Variants in MKLN1 observed in about 807,000 individuals in gnomAD.
MKLN1 encodes muskelin.
Under a neutral mutation model 99.0 loss-of-function variants are expected in MKLN1, and 18 were observed. The observed-to-expected ratio is 0.18, with a 90% CI of 0.13 to 0.27. MKLN1 has a LOEUF of 0.27. MKLN1 is among the 10% of genes least tolerant of loss of function. The pLI is 1.00. For missense variants in MKLN1, 621 were observed against 875.9 expected (o/e 0.71, Z 3.67); for synonymous variants, 288 against 293.2 (o/e 0.98, Z 0.18).
intron 2 of MKLN1, among the ~76,000 whole-genome samples, chr7:131,381,688 TCA>T (rs1028189474): frequency 2.8e-4 from 42 of 152,296 alleles, no homozygotes; most frequent in African/African-American, 9.1e-4. Flanking sequence ...GTGCATACAC[TCA>T]CACAGACACA....
At chr7:131,305,414 G>C (rs1798439263) in intron 3 of MKLN1, among the ~76,000 whole-genome samples, 1 of 152,150 alleles carries the variant, frequency 6.6e-6, no homozygotes, top group Non-Finnish European at 1.5e-5. Context: ...CAACTTATTT[G>C]GGAAGAAATG....
At chr7:131,306,153 G>A (rs960361531) in intron 3 of MKLN1, among the ~76,000 whole-genome samples, 4 of 152,092 alleles carry the variant, frequency 2.6e-5, no homozygotes, top group East Asian at 1.9e-4. Context: ...CCATGATTAC[G>A]TTTCCTGAGG....
intron 2 of MKLN1, among the ~76,000 whole-genome samples, chr7:131,378,059 T>G (rs1329815809): frequency 6.6e-6 from 1 of 152,156 alleles, no homozygotes; most frequent in Non-Finnish European, 1.5e-5. Context: ...GTTTACTTAG[T>G]TGTATGAGAG....
chr7:131,383,930 A>G (rs1289075877), intron 2 of MKLN1, among the ~76,000 whole-genome samples: 4 of 152,180 alleles, frequency 2.6e-5, no homozygotes, highest in Non-Finnish European at 2.9e-5. Context: ...GCTCTCTGTA[A>G]TGCACATTGT....
At chr7:131,438,597 A>G (rs1240780195) in intron 10 of MKLN1, among the ~76,000 whole-genome samples, 1 of 151,626 alleles carries the variant, frequency 6.6e-6, no homozygotes, top group Admixed American at 6.6e-5. Flanking sequence ...TAGCCCCATC[A>G]TTGTCATTAT....
chr7:131,414,149 ATAAT>A (rs772185432), intron 7 of MKLN1, among the ~76,000 whole-genome samples: 1 of 152,218 alleles, frequency 6.6e-6, no homozygotes, highest in African/African-American at 2.4e-5. Flanking sequence ...ATTTTACAAA[ATAAT>A]TGTATACATT....
chr7:131,403,708 G>A lies in MKLN1; in HGVS notation c.703+4275G>A, dbSNP rs114830210. Among the ~76,000 whole-genome samples the A allele has an allele frequency of 7.7e-3, 1,169 of 152,256 alleles. 18 individuals are homozygous for A. The highest frequency in any genetic ancestry group is 0.027 in the African/African-American group (1,105 of 41,562). On this transcript the variant is annotated intron_variant, in intron 6 of 17. Coordinates refer to ENST00000352689, the MANE Select transcript of MKLN1 (RefSeq NM_013255.5). Reference sequence around the variant, plus strand: ...GGGAATAGGGAGGCCCAAAGAGAGGGAGAGAAATGGGGGAACTGCTGGTTT... The same window carrying A: ...GGGAATAGGGAGGCCCAAAGAGAGGAAGAGAAATGGGGGAACTGCTGGTTT...
At chr7:131,394,331 G>A (rs971696291) in intron 4 of MKLN1, among the ~76,000 whole-genome samples, 1 of 152,000 alleles carries the variant, frequency 6.6e-6, no homozygotes, top group African/African-American at 2.4e-5. Flanking sequence ...CAGTTTTGTG[G>A]AAGACAGTTT....
At chr7:131,192,078 C>CAT (rs1554534633) in intron 2 of MKLN1, among the ~76,000 whole-genome samples, 5 of 84,092 alleles carry the variant, frequency 5.9e-5, no homozygotes, top group African/African-American at 2.7e-4. Flanking sequence ...TATATATATA[C>CAT]ATATATATTA....
intron 6 of MKLN1, among the ~76,000 whole-genome samples, chr7:131,400,508 A>AT (rs1794501092): frequency 8.4e-6 from 1 of 119,166 alleles, no homozygotes; most frequent in African/African-American, 4.2e-5. Context: ...AATGCTACCA[A>AT]TAAAAAAAAA....
chr7:131,221,057 C>G (rs1797052712), intron 3 of MKLN1, among the ~76,000 whole-genome samples: 1 of 152,160 alleles, frequency 6.6e-6, no homozygotes, highest in African/African-American at 2.4e-5. Context: ...ATCCATCTGC[C>G]TCATATCAGT....
At chr7:131,401,817 A>T (rs1423287354) in intron 6 of MKLN1, among the ~76,000 whole-genome samples, 5 of 151,788 alleles carry the variant, frequency 3.3e-5, no homozygotes, top group Admixed American at 6.6e-5. Context: ...TTATTTCTTT[A>T]AAAAAAATGC....
chr7:131,136,811 AT>A (rs1795655846), intron 1 of MKLN1, among the ~76,000 whole-genome samples: 1 of 152,138 alleles, frequency 6.6e-6, no homozygotes, highest in East Asian at 1.9e-4. Context: ...TCGTCCTGGC[AT>A]GCTTAGCTCT....
chr7:131,133,323 A>T (rs1425167588), intron 1 of MKLN1, among the ~76,000 whole-genome samples: 7 of 106,702 alleles, frequency 6.6e-5, no homozygotes, highest in Non-Finnish European at 1.1e-4. Flanking sequence ...TTTTTATTTT[A>T]ATTTTAATTT....
At chr7:131,449,798 G>A (rs939104671) in intron 12 of MKLN1, among the ~76,000 whole-genome samples, 3 of 152,002 alleles carry the variant, frequency 2.0e-5, no homozygotes, top group Admixed American at 2.0e-4. Flanking sequence ...CACTGTTCTA[G>A]CTCTCCGGAG....
At chr7:131,407,904 A>T (rs1794756189) in intron 6 of MKLN1, among the ~76,000 whole-genome samples, 1 of 151,980 alleles carries the variant, frequency 6.6e-6, no homozygotes, top group Non-Finnish European at 1.5e-5. Flanking sequence ...CATTTTGTTC[A>T]TAAAAGATTG....
intron 3 of MKLN1, among the ~76,000 whole-genome samples, chr7:131,208,465 C>T (rs538685356): frequency 1.8e-4 from 28 of 152,120 alleles, no homozygotes; most frequent in African/African-American, 6.5e-4. Context: ...TGTGGTGGTG[C>T]GTGCCTGTGG....
chr7:131,462,586 A>G (rs1391714318), intron 12 of MKLN1, among the ~76,000 whole-genome samples: 2 of 152,092 alleles, frequency 1.3e-5, no homozygotes, highest in Non-Finnish European at 1.5e-5. Flanking sequence ...TTTTCCCTGT[A>G]GCTGGCAATT....
chr7:131,228,567 C>G (rs1327386546), intron 3 of MKLN1, among the ~76,000 whole-genome samples: 1 of 152,148 alleles, frequency 6.6e-6, no homozygotes, highest in Non-Finnish European at 1.5e-5. Context: ...CCTTTCTCAG[C>G]CTCGCTTTCT....
Sources: allele counts gnomAD v4.1 joint callset (sites outside exome capture counted in the v4.1 genomes callset), GRCh38; gene constraint gnomAD v4.1.1; transcripts MANE v1.5; gene names NCBI Gene and HGNC (gene_info 2026-07-23, HGNC 2026-07-21).